THRB: variants seen among roughly 807,000 people sequenced by gnomAD.
THRB encodes thyroid hormone receptor beta, also known as nuclear receptor subfamily 1 group A member 2.
A neutral mutation model predicts 47.8 loss-of-function variants in THRB; 12 were observed. The ratio of observed to expected loss-of-function variants is 0.25; its 90% CI spans 0.16 to 0.41. The LOEUF (loss-of-function observed/expected upper bound fraction) is 0.41, where lower values mean the gene tolerates loss of function less well. THRB is among the 10% of genes least tolerant of loss of function. The pLI is 1.00. For missense variants in THRB, 348 were observed against 589.2 expected (o/e 0.59, Z 4.24); for synonymous variants, 218 against 212.2 (o/e 1.03, Z -0.24).
At chr3:24,393,065 G>GA (rs1238173539) in intron 1 of THRB, among the ~76,000 whole-genome samples, 1 of 152,054 alleles carries the variant, frequency 6.6e-6, no homozygotes, top group Admixed American at 6.6e-5. Flanking sequence ...AGACTTCTGA[G>GA]TTTTTTTCTG....
intron 1 of THRB, chr3:24,486,352 A>G (rs2125919315): frequency 6.6e-6 from 1 of 152,286 alleles, no homozygotes; most frequent in Admixed American, 6.5e-5. Flanking sequence ...CATCTCATCC[A>G]TACGACAAGA....
chr3:24,268,128 A>T (rs994928200), intron 3 of THRB, among the ~76,000 whole-genome samples: 1 of 152,222 alleles, frequency 6.6e-6, no homozygotes, highest in Non-Finnish European at 1.5e-5. Context: ...CACAGCCAAC[A>T]TCATCGAGAT....
intron 1 of THRB, among the ~76,000 whole-genome samples, chr3:24,345,314 G>T (rs1029334931): frequency 1.3e-5 from 2 of 152,048 alleles, no homozygotes; most frequent in Admixed American, 1.3e-4. Context: ...CATTCCTAGA[G>T]GATCGCCAAA....
intron 1 of THRB, among the ~76,000 whole-genome samples, chr3:24,481,915 A>G (rs986324834): frequency 7.9e-5 from 12 of 152,064 alleles, no homozygotes; most frequent in Non-Finnish European, 1.8e-4. Flanking sequence ...AGTGCCTATT[A>G]TTATTACCTT....
chr3:24,281,953 C>T (rs2054665233), intron 3 of THRB, among the ~76,000 whole-genome samples: 1 of 147,728 alleles, frequency 6.8e-6, no homozygotes, highest in South Asian at 2.2e-4. Flanking sequence ...GAGTGACCTA[C>T]AAAGAGAGTT....
At chr3:24,267,876 G>T (rs897968481) in intron 3 of THRB, among the ~76,000 whole-genome samples, 2 of 152,114 alleles carry the variant, frequency 1.3e-5, no homozygotes, top group African/African-American at 4.8e-5. Flanking sequence ...TGGTCCTGAA[G>T]AAAGCCTTCC....
intron 1 of THRB, among the ~76,000 whole-genome samples, chr3:24,488,217 T>C (rs953029623): frequency 1.3e-5 from 2 of 152,198 alleles, no homozygotes; most frequent in Non-Finnish European, 2.9e-5. Context: ...GACTTTCTTA[T>C]AAATGCCTAA....
At position 24,494,817 on chromosome 3, in the gene THRB, C is replaced by T. The variant is rs2126004098; in HGVS notation, c.-426G>A. 6.6e-6 allele frequency: 1 copy of T among 152,462 alleles called. No homozygotes were observed. The highest frequency in any genetic ancestry group is 1.9e-4 in the East Asian group (1 of 5,152). 9.4% of individuals were successfully genotyped at this position (152,462 alleles called of 1,614,324 possible). ...CACATTATTCATGCAAAGTTAATCC[C>T]CGCCGCGTCACGGCCGCCCGCCCGA... On this transcript the variant is annotated 5_prime_UTR_variant, in exon 1 of 11. Coordinates refer to ENST00000646209, the MANE Select transcript of THRB (RefSeq NM_001354712.2).
chr3:24,306,403 C>T (rs917984253), intron 2 of THRB, among the ~76,000 whole-genome samples: 1 of 152,186 alleles, frequency 6.6e-6, no homozygotes, highest in Non-Finnish European at 1.5e-5. Context: ...TGGTTCCTCA[C>T]AGTGAGATGC....
intron 5 of THRB, chr3:24,165,057 C>G: frequency 1.3e-6 from 1 of 761,986 alleles, no homozygotes; most frequent in Non-Finnish European, 2.4e-6. Context: ...GGCGACTGCA[C>G]TTGAGAAAAA....
chr3:24,182,986 T>A (rs1211231575), intron 5 of THRB, among the ~76,000 whole-genome samples: 3 of 152,234 alleles, frequency 2.0e-5, no homozygotes, highest in Non-Finnish European at 4.4e-5. Flanking sequence ...GGGGCCAGAT[T>A]GCCTGAGTTA....
At chr3:24,313,959 T>C (rs558856888) in intron 2 of THRB, among the ~76,000 whole-genome samples, 1 of 152,232 alleles carries the variant, frequency 6.6e-6, no homozygotes, top group Non-Finnish European at 1.5e-5. Flanking sequence ...AAAGGGAACA[T>C]AATCATGAAG....
chr3:24,428,901 A>T (rs2070069997), intron 1 of THRB, among the ~76,000 whole-genome samples: 1 of 139,164 alleles, frequency 7.2e-6, no homozygotes, highest in African/African-American at 2.6e-5. Context: ...AAAAAAAAAA[A>T]GTAAGCACAT....
At chr3:24,275,126 ATTTG>A (rs2053773422) in intron 3 of THRB, among the ~76,000 whole-genome samples, 1 of 152,208 alleles carries the variant, frequency 6.6e-6, no homozygotes, top group African/African-American at 2.4e-5. Flanking sequence ...AAACATAAAT[ATTTG>A]TTTGGAAAAA....
intron 7 of THRB, among the ~76,000 whole-genome samples, chr3:24,146,097 T>G (rs1487911284): frequency 6.6e-6 from 1 of 152,344 alleles, no homozygotes; most frequent in East Asian, 1.9e-4. Flanking sequence ...TCGGAATGTC[T>G]TTATTGCTAA....
chr3:24,441,636 T>C (rs1017257367), intron 1 of THRB, among the ~76,000 whole-genome samples: 1 of 152,024 alleles, frequency 6.6e-6, no homozygotes, highest in African/African-American at 2.4e-5. Flanking sequence ...ATAATCCATA[T>C]ATACAGTTGA....
At chr3:24,452,022 A>G (rs146617685) in intron 1 of THRB, among the ~76,000 whole-genome samples, 20 of 152,264 alleles carry the variant, frequency 1.3e-4, no homozygotes, top group South Asian at 6.2e-4. Context: ...AGTCTTTAGC[A>G]TTTAGAGATG....
At chr3:24,175,540 A>T (rs531132387) in intron 5 of THRB, among the ~76,000 whole-genome samples, 1 of 152,238 alleles carries the variant, frequency 6.6e-6, no homozygotes, top group Non-Finnish European at 1.5e-5. Context: ...AAGGCTGGAG[A>T]TTGAAAGAAA....
At chr3:24,474,977 G>A (rs879712880) in intron 1 of THRB, among the ~76,000 whole-genome samples, 9 of 152,318 alleles carry the variant, frequency 5.9e-5, no homozygotes, top group Non-Finnish European at 7.4e-5. Flanking sequence ...AGAACATTAC[G>A]TGTATCATAA....
Sources: allele counts gnomAD v4.1 joint callset (sites outside exome capture counted in the v4.1 genomes callset), GRCh38; gene constraint gnomAD v4.1.1; transcripts MANE v1.5; gene names NCBI Gene and HGNC (gene_info 2026-07-23, HGNC 2026-07-21).